Variants in ZNF92 observed in about 807,000 individuals in gnomAD.
The protein encoded by ZNF92 is zinc finger protein 92.
A neutral mutation model predicts 12.4 loss-of-function variants in ZNF92; 11 were observed. The observed-to-expected ratio is 0.89, with a 90% CI of 0.56 to 1.47. ZNF92 has a LOEUF of 1.47. Ranked by LOEUF, ZNF92 falls within the 40% of genes most tolerant of loss-of-function variation. ZNF92 has a pLI of 0.00. For synonymous variants in ZNF92, 206 were observed against 228.6 expected (o/e 0.90, Z 0.89); for missense variants, 622 against 681.0 (o/e 0.91, Z 0.96).
intron 1 of ZNF92, among the ~76,000 whole-genome samples, chr7:65,381,731 C>G (rs1432334057): frequency 6.6e-6 from 1 of 152,006 alleles, no homozygotes; most frequent in Non-Finnish European, 1.5e-5. Context: ...AGCAGGGAGT[C>G]CAGTTTTAAT....
Position 65,398,408 on chromosome 7 carries a change from G to A in ZNF92, c.294G>A (p.Val98=). 1 of 1,608,864 alleles carries A rather than the reference G, an allele frequency of 6.2e-7. No homozygotes were observed. Among genetic ancestry groups the A allele is most frequent in the African/African-American group, 1.3e-5 (1 of 74,662 alleles). The part of the protein sequence containing the change: ...EHSIKDSFQK[V]ILRTYGKYGH... ...GCATAAAAGATTCTTTCCAAAAAGT[G>A]ATACTGAGAACATATGGAAAATATG... Residue 98 remains valine, a synonymous_variant, in exon 4 of 4, where the codon GTG becomes GTA. Coordinates refer to ENST00000328747, the MANE Select transcript of ZNF92 (RefSeq NM_152626.4).
At position 65,388,842 on chromosome 7, in the gene ZNF92, T is replaced by A. The variant is rs1371967499; in HGVS notation, c.167T>A (p.Leu56Gln). ...TCTAAGCCAGACCTGATCACCTGGC[T>A]GGAGCAAGGAAAAGAGCCCTGGAAT... ...AVSKPDLITW[L>Q]EQGKEPWNLK... Residue 56 changes from leucine (L) to glutamine (Q), a missense_variant, in exon 3 of 4, where the codon CTG becomes CAG. By Grantham distance (113) the Leu-to-Gln change is moderately radical (BLOSUM62 -2). Transcript: ENST00000328747. The A allele has an allele frequency of 6.3e-7, 1 of 1,586,702 alleles. No individual in the cohort carries two copies. Among genetic ancestry groups the A allele is most frequent in the Admixed American group, 1.7e-5 (1 of 58,982 alleles).
intron 1 of ZNF92, among the ~76,000 whole-genome samples, chr7:65,385,999 A>G (rs537248548): frequency 6.6e-6 from 1 of 152,118 alleles, no homozygotes; most frequent in East Asian, 1.9e-4. Context: ...AATTTTCATT[A>G]TAGTCAAGTA....
intron 1 of ZNF92, among the ~76,000 whole-genome samples, chr7:65,377,374 A>C (rs1296455648): frequency 6.6e-6 from 1 of 152,028 alleles, no homozygotes; most frequent in Non-Finnish European, 1.5e-5. Context: ...CCATAGAAGA[A>C]GTCTTTATAC....
intron 1 of ZNF92, among the ~76,000 whole-genome samples, chr7:65,382,414 A>G (rs1370195510): frequency 6.6e-6 from 1 of 151,996 alleles, no homozygotes; most frequent in Non-Finnish European, 1.5e-5. Context: ...CCAAGCTTTA[A>G]TCTAGATGGG....
intron 3 of ZNF92, 34 bp downstream of exon 3, chr7:65,388,935 T>C: frequency 6.6e-7 from 1 of 1,521,968 alleles, no homozygotes; most frequent in Non-Finnish European, 8.9e-7. Context: ...ACAACACAAA[T>C]GAGAGGTCCA....
rs1358487022 is a variant in ZNF92 at position 65,401,014 on chromosome 7, AC to A, written c.*1140del. ...TCTTTTGCAGTATAGTGAGAAAAAA[AC>A]ATTTTAAAATTAATTATCATTTTGT... On this transcript the variant is annotated 3_prime_UTR_variant, in exon 4 of 4. Coordinates refer to ENST00000328747, the MANE Select transcript of ZNF92 (RefSeq NM_152626.4). 15 of 150,348 alleles carry A rather than the reference AC, an allele frequency of 1.0e-4. No individual in the cohort carries two copies. The highest frequency in any genetic ancestry group is 1.9e-4 in the East Asian group (1 of 5,190). 9.3% of individuals were successfully genotyped at this position (150,348 alleles called of 1,614,324 possible).
intron 3 of ZNF92, among the ~76,000 whole-genome samples, chr7:65,392,885 C>G (rs1793753005): frequency 6.6e-6 from 1 of 151,266 alleles, no homozygotes; most frequent in Non-Finnish European, 1.5e-5. Context: ...GAGACCCTCT[C>G]TCTACAACTT....
At chr7:65,388,954 G>A in intron 3 of ZNF92, 53 bp downstream of exon 3, 1 of 1,433,848 alleles carries the variant, frequency 7.0e-7, no homozygotes, top group African/African-American at 1.4e-5. Flanking sequence ...CAAAAGTCAA[G>A]GAGAAGGCCA....
chr7:65,395,640 A>G (rs977396350), intron 3 of ZNF92, among the ~76,000 whole-genome samples: 1 of 152,160 alleles, frequency 6.6e-6, no homozygotes, highest in African/African-American at 2.4e-5. Flanking sequence ...TTTACACTCC[A>G]TCAATTCAAG....
At position 65,400,640 on chromosome 7, in the gene ZNF92, T is replaced by A; in HGVS notation, c.*765T>A. ...AAAATTGTTAGGTAAGTTATTTATA[T>A]ATAACTTTAAAAGAAGTAGAAGATT... On this transcript the variant is annotated 3_prime_UTR_variant, in exon 4 of 4. Coordinates refer to ENST00000328747, the MANE Select transcript of ZNF92 (RefSeq NM_152626.4). 1 of 152,142 alleles carries A rather than the reference T, an allele frequency of 6.6e-6. No individual in the cohort carries two copies. Among genetic ancestry groups the A allele is most frequent in the South Asian group, 2.1e-4 (1 of 4,822 alleles). 9.4% of individuals were successfully genotyped at this position (152,142 alleles called of 1,614,324 possible).
In ZNF92 at chr7:65,399,347, C is replaced by G. The variant is rs757244925; in HGVS notation, c.1233C>G (p.Thr411=). The G allele has an allele frequency of 1.2e-5, 20 of 1,612,212 alleles. No individual in the cohort carries two copies. The highest frequency in any genetic ancestry group is 3.3e-4 in the Middle Eastern group (2 of 6,070). The part of the protein sequence containing the change: ...ECGKAFKQSS[T]LTEHKIIHTG... ...GCAAAGCTTTTAAACAGTCCTCAACCCTTACTGAACATAAGATAATTCATA... is the reference window on the plus strand; with the variant it reads ...GCAAAGCTTTTAAACAGTCCTCAACGCTTACTGAACATAAGATAATTCATA... Residue 411 remains threonine, a synonymous_variant, in exon 4 of 4, where the codon ACC becomes ACG. Coordinates refer to ENST00000328747, the MANE Select transcript of ZNF92 (RefSeq NM_152626.4).
At chr7:65,394,575 TATAGTATTTTTA>T (rs1338409208) in intron 3 of ZNF92, among the ~76,000 whole-genome samples, 1 of 152,176 alleles carries the variant, frequency 6.6e-6, no homozygotes, top group South Asian at 2.1e-4. Flanking sequence ...AAAACTGTGC[TATAGTATTTTTA>T]TAGAGATTAT....
At chr7:65,395,664 A>T (rs925980581) in intron 3 of ZNF92, among the ~76,000 whole-genome samples, 37 of 152,254 alleles carry the variant, frequency 2.4e-4, no homozygotes, top group Middle Eastern at 3.4e-3. Flanking sequence ...GAGCTAGTTT[A>T]TTAAAAGAGT....
intron 1 of ZNF92, among the ~76,000 whole-genome samples, chr7:65,385,621 T>C (rs1260910428): frequency 6.6e-6 from 1 of 151,788 alleles, no homozygotes; most frequent in East Asian, 1.9e-4. Context: ...AAAGGAGATA[T>C]CATTATCTCC....
At chr7:65,390,301 C>T (rs1037265066) in intron 3 of ZNF92, among the ~76,000 whole-genome samples, 6 of 152,124 alleles carry the variant, frequency 3.9e-5, no homozygotes, top group Admixed American at 3.3e-4. Flanking sequence ...TCTTTTGCCA[C>T]ATAATTCCAG....
At position 65,399,913 on chromosome 7, in the gene ZNF92, TC is replaced by T. The variant is rs777218959; in HGVS notation, c.*39del. On this transcript the variant is annotated 3_prime_UTR_variant, in exon 4 of 4. Transcript: ENST00000328747. ...TGATTTTCACTACACCTCAAACTTTTCTAAACATAAACCATATTGGTGCCCT... is the reference window on the plus strand; with the variant it reads ...TGATTTTCACTACACCTCAAACTTTTTAAACATAAACCATATTGGTGCCCT... 5 of 1,506,806 alleles carry T rather than the reference TC, an allele frequency of 3.3e-6. No individual in the cohort carries two copies. The East Asian group carries it at 9.1e-5, about 27-fold the overall frequency. The allele number at this position is 1,506,806 out of a possible 1,614,324, so 93.3% of individuals were successfully genotyped here. A position where few individuals can be genotyped will look rare whatever the true frequency, so the allele number is the denominator to read the frequency against.
intron 3 of ZNF92, among the ~76,000 whole-genome samples, chr7:65,393,150 C>T (rs1455360319): frequency 1.3e-5 from 2 of 152,084 alleles, no homozygotes; most frequent in African/African-American, 2.4e-5. Context: ...ACTCAGTACC[C>T]GTTAAGCAAT....
intron 2 of ZNF92, chr7:65,388,378 C>G (rs1345839255): frequency 1.6e-5 from 3 of 188,700 alleles, no homozygotes; most frequent in African/African-American, 7.9e-5. Flanking sequence ...GTGGCTCATG[C>G]CTGTAATCCC....
Sources: gnomAD v4.1 joint callset for allele counts (sites outside exome capture counted in the v4.1 genomes callset) on GRCh38, gnomAD v4.1.1 for gene constraint, MANE v1.5 for transcripts, NCBI Gene and HGNC (gene_info 2026-07-23, HGNC 2026-07-21) for gene names.